The following RYR2 variants were observed in gnomAD, a reference collection of about 807,000 sequenced individuals.
RYR2 encodes cardiac muscle ryanodine receptor-calcium release channel.
In RYR2, 227 loss-of-function variants were observed where a neutral mutation model predicts 601.1. The observed-to-expected ratio is 0.38, with a 90% CI of 0.34 to 0.42. The LOEUF (loss-of-function observed/expected upper bound fraction) is 0.42. Among genes scored for constraint, RYR2 ranks in the 10% least tolerant of loss-of-function variants. The pLI, the probability that RYR2 is intolerant of heterozygous loss-of-function variation, is 1.00. For missense variants in RYR2, 4,646 were observed against 6,156.5 expected (o/e 0.75, Z 8.21); for synonymous variants, 2,223 against 2,175.1 (o/e 1.02, Z -0.61).
intron 24 of RYR2, among the ~76,000 whole-genome samples, chr1:237,524,533 C>T (rs1193126990): frequency 6.6e-6 from 1 of 152,134 alleles, no homozygotes; most frequent in African/African-American, 2.4e-5. Context: ...CTAAAAAGTA[C>T]ATTTTCTACC....
chr1:237,287,636 G>A (rs1297934717), intron 2 of RYR2, among the ~76,000 whole-genome samples: 2 of 152,124 alleles, frequency 1.3e-5, no homozygotes, highest in Non-Finnish European at 2.9e-5. Flanking sequence ...ATTTCTAAAA[G>A]TGCATCCAAG....
At chr1:237,407,318 G>A in intron 10 of RYR2, among the ~76,000 whole-genome samples, 1 of 151,912 alleles carries the variant, frequency 6.6e-6, no homozygotes, top group South Asian at 2.1e-4. Context: ...ATATCAAGAA[G>A]CACAATTGGT....
At chr1:237,508,467 A>AC (rs1558939819) in intron 23 of RYR2, among the ~76,000 whole-genome samples, 1 of 151,382 alleles carries the variant, frequency 6.6e-6, no homozygotes, top group Non-Finnish European at 1.5e-5. Context: ...ATTAAAAAAA[A>AC]AAAAACAAAC....
intron 1 of RYR2, among the ~76,000 whole-genome samples, chr1:237,261,844 G>A (rs2149314244): frequency 6.6e-6 from 1 of 152,260 alleles, no homozygotes; most frequent in East Asian, 1.9e-4. Flanking sequence ...CAGGCTAGTA[G>A]CATCTCCGAT....
chr1:237,363,367 T>A (rs1699940528), intron 4 of RYR2, among the ~76,000 whole-genome samples: 2 of 152,120 alleles, frequency 1.3e-5, no homozygotes, highest in South Asian at 4.1e-4. Context: ...TCCTTGAAAT[T>A]GTAATATTGA....
intron 68 of RYR2, 138 bp from the exon 69 acceptor site, chr1:237,708,720 T>C: frequency 1.6e-6 from 1 of 607,310 alleles, no homozygotes; most frequent in Non-Finnish European, 2.7e-6. Context: ...GAAAAATGGC[T>C]GAGGCATGAG....
chr1:237,712,469 C>T (rs1688927087), intron 71 of RYR2, among the ~76,000 whole-genome samples: 1 of 152,026 alleles, frequency 6.6e-6, no homozygotes, highest in Non-Finnish European at 1.5e-5. Flanking sequence ...ATGGGAGGGA[C>T]TGCTGTCTCC....
At chr1:237,471,967 C>G (rs1051072441) in intron 17 of RYR2, among the ~76,000 whole-genome samples, 1 of 152,164 alleles carries the variant, frequency 6.6e-6, no homozygotes, top group Admixed American at 6.5e-5. Flanking sequence ...ATTGTTACTG[C>G]CAAGGTTAAA....
chr1:237,351,008 T>C (rs946742542), intron 3 of RYR2, among the ~76,000 whole-genome samples: 1 of 152,104 alleles, frequency 6.6e-6, no homozygotes, highest in Non-Finnish European at 1.5e-5. Context: ...CAAAATTGAT[T>C]ATGGAGGAAG....
rs146219879 is a variant in RYR2, at chr1:237,183,569, A to G, written c.49-86928A>G. 3.7e-3 allele frequency among the ~76,000 whole-genome samples: 560 copies of G among 152,334 alleles called. 2 individuals carry two copies. Among genetic ancestry groups the G allele is most frequent in the African/African-American group, 0.013 (524 of 41,584 alleles). On this transcript the variant is annotated intron_variant, in intron 1 of 104. Coordinates refer to ENST00000366574, the MANE Select transcript of RYR2 (RefSeq NM_001035.3). The stretch of plus-strand genomic sequence containing the variant: ...GAGTATTGAAATGGTAATATGACGT[A>G]TTCAGGTTAGGAGAAAGAGAATTCT...
At chr1:237,515,720 TTC>T (rs1572679799) in intron 24 of RYR2, among the ~76,000 whole-genome samples, 2 of 13,554 alleles carry the variant, frequency 1.5e-4, no homozygotes, top group South Asian at 1.3e-3. Context: ...CCTTCTTCTC[TTC>T]CTCCTTCTTT....
At chr1:237,058,737 C>T (rs57636512) in intron 1 of RYR2, among the ~76,000 whole-genome samples, 64,811 of 146,722 alleles carry the variant, frequency 0.44, 14,146 homozygotes, top group East Asian at 0.62. Context: ...CCTTCCTCCC[C>T]GGAGACTTCA....
At position 237,270,525 on chromosome 1, in the gene RYR2, C is replaced by T; in HGVS notation, c.77C>T (p.Ala26Val). The change falls in exon 2 of 105, where the codon GCA becomes GTA. Residue 26 changes from alanine (A) to valine (V), a missense_variant. Coordinates refer to ENST00000366574, the MANE Select transcript of RYR2 (RefSeq NM_001035.3). ...GATGAAGTGGTTCTGCAGTGCACCG[C>T]AACCATCCACAAAGAACAACAGAAG... ...TDDEVVLQCT[A>V]TIHKEQQKLC... 6.3e-7 allele frequency: 1 copy of T among 1,592,516 alleles called. No individual in the cohort carries two copies.
chr1:237,165,560 C>A (rs1001666408), intron 1 of RYR2, among the ~76,000 whole-genome samples: 1 of 152,084 alleles, frequency 6.6e-6, no homozygotes, highest in Admixed American at 6.6e-5. Flanking sequence ...TAAATAATGT[C>A]CTTTTATTTG....
In RYR2 at chr1:237,667,913, C is replaced by A; in HGVS notation, c.8545C>A (p.His2849Asn). 6.3e-7 allele frequency: 1 copy of A among 1,585,158 alleles called. No homozygotes were observed. Among genetic ancestry groups the A allele is most frequent in the East Asian group, 2.3e-5 (1 of 43,652 alleles). Reference protein sequence around the residue: ...AMAEMMAENYHNIWAKKKKME... With the variant: ...AMAEMMAENYNNIWAKKKKME... ...GGCAGAAATGATGGCTGAAAACTAC[C>A]ATAATATATGGGCAAAGAAAAAGAA... The change falls in exon 58 of 105, where the codon CAT becomes AAT. Residue 2849 changes from histidine (H) to asparagine (N), a missense_variant. This residue lies in a region of RYR2 where 1,497 missense variants were observed against 1,842.6 expected (regional missense o/e 0.81). Transcript: ENST00000366574.
chr1:237,482,337 A>G lies in RYR2; in HGVS notation c.1709-9469A>G, dbSNP rs184128420. On this transcript the variant is annotated intron_variant, in intron 17 of 104. Transcript: ENST00000366574. ...TTTTGTACCCATCAACCATCCCTAC[A>G]TTCCTCTAGAGCCCCCCACTACCCT... Among the ~76,000 whole-genome samples, 282 of 152,108 alleles carry G rather than the reference A, an allele frequency of 1.9e-3. 1 individual carries two copies. Among genetic ancestry groups the G allele is most frequent in the African/African-American group, 6.5e-3 (270 of 41,492 alleles).
In RYR2 at chr1:237,623,934, G is replaced by A. The variant is rs537788832; in HGVS notation, c.6022+64G>A. ...GTTTTTAATCCATATATCCTGAGACGAAATTAAGTGTATATGCGAATATTT... is the reference window on the plus strand; with the variant it reads ...GTTTTTAATCCATATATCCTGAGACAAAATTAAGTGTATATGCGAATATTT... On this transcript the variant is annotated intron_variant, in intron 39 of 104. Transcript: ENST00000366574. 3.5e-5 allele frequency: 36 copies of A among 1,031,796 alleles called. No individual in the cohort carries two copies. In the East Asian group the frequency reaches 4.1e-4, roughly 12 times the overall value. 63.9% of individuals were successfully genotyped at this position (1,031,796 alleles called of 1,614,324 possible).
chr1:237,459,801 A>G (rs1014614827), intron 16 of RYR2, among the ~76,000 whole-genome samples: 3 of 152,204 alleles, frequency 2.0e-5, no homozygotes, highest in African/African-American at 4.8e-5. Flanking sequence ...CTTGGTGGGT[A>G]TGAACACGGT....
In RYR2 at chr1:237,454,587, C is replaced by A. The variant is rs745395081; in HGVS notation, c.1476+13C>A. Reference sequence around the variant, plus strand: ...CTTCCAGGAAGAGGTCCGTTTCTATCAACACTCATTTCTCTTCTGTTATTC... The same window carrying A: ...CTTCCAGGAAGAGGTCCGTTTCTATAAACACTCATTTCTCTTCTGTTATTC... On this transcript the variant is annotated intron_variant, in intron 15 of 104. Coordinates refer to ENST00000366574, the MANE Select transcript of RYR2 (RefSeq NM_001035.3). 1 of 1,610,756 alleles carries A rather than the reference C, an allele frequency of 6.2e-7. No homozygotes were observed. The highest frequency in any genetic ancestry group is 2.2e-5 in the East Asian group (1 of 44,680).
Sources: gnomAD v4.1 joint callset for allele counts (sites outside exome capture counted in the v4.1 genomes callset) on GRCh38, gnomAD v4.1.1 for gene constraint, gnomAD v4.1.1 regional missense constraint, MANE v1.5 for transcripts, NCBI Gene and HGNC (gene_info 2026-07-23, HGNC 2026-07-21) for gene names.